RBFOX1: variants seen among roughly 807,000 people sequenced by gnomAD.
RBFOX1 encodes RNA binding protein fox-1 homolog 1.
Under a neutral mutation model 57.7 loss-of-function variants are expected in RBFOX1, and 8 were observed. That is an observed-to-expected ratio of 0.14 (90% CI 0.08 to 0.25). The LOEUF (loss-of-function observed/expected upper bound fraction) is 0.25. Ranked by LOEUF, RBFOX1 falls within the 10% of genes least tolerant of loss-of-function variation. RBFOX1 has a pLI of 1.00. For missense variants in RBFOX1, 611 were observed against 548.5 expected (o/e 1.11, Z -1.14); for synonymous variants, 326 against 222.4 (o/e 1.47, Z -4.15).
intron 4 of RBFOX1, among the ~76,000 whole-genome samples, chr16:7,168,690 T>C (rs1601702678): frequency 6.6e-6 from 1 of 152,170 alleles, no homozygotes; most frequent in East Asian, 1.9e-4. Flanking sequence ...CTTTCCTTCC[T>C]GTTACAAATT....
chr16:7,590,113 T>G (rs1022911488), intron 7 of RBFOX1, among the ~76,000 whole-genome samples: 1 of 151,818 alleles, frequency 6.6e-6, no homozygotes, highest in African/African-American at 2.4e-5. Context: ...AATAATAATT[T>G]AAAATTAGCT....
At chr16:7,180,968 T>G (rs922425158) in intron 4 of RBFOX1, among the ~76,000 whole-genome samples, 1 of 152,220 alleles carries the variant, frequency 6.6e-6, no homozygotes, top group African/African-American at 2.4e-5. Flanking sequence ...AGCTTTGCAG[T>G]TGTAGAGAAA....
chr16:7,564,998 A>G (rs1253976023), intron 5 of RBFOX1, among the ~76,000 whole-genome samples: 1 of 152,142 alleles, frequency 6.6e-6, no homozygotes, highest in East Asian at 1.9e-4. Context: ...ATGAGGCATT[A>G]ACTACATCCA....
At chr16:6,004,576 C>A (rs371910981) in intron 4 of RBFOX1, among the ~76,000 whole-genome samples, 2 of 152,182 alleles carry the variant, frequency 1.3e-5, no homozygotes, top group Admixed American at 6.5e-5. Flanking sequence ...ACACAGATTT[C>A]TGCAGCTTCT....
intron 3 of RBFOX1, among the ~76,000 whole-genome samples, chr16:6,723,553 G>GTCAT (rs1301497006): frequency 3.9e-5 from 6 of 152,182 alleles, no homozygotes; most frequent in Admixed American, 1.3e-4. Context: ...TCTAACACAA[G>GTCAT]TCATTGGTTT....
intron 4 of RBFOX1, among the ~76,000 whole-genome samples, chr16:7,391,027 G>T (rs1235776610): frequency 1.3e-5 from 2 of 152,104 alleles, no homozygotes; most frequent in Admixed American, 6.5e-5. Context: ...CTTTTTGGAG[G>T]CTCATTGGTA....
chr16:5,999,734 G>A (rs952034191), intron 4 of RBFOX1, among the ~76,000 whole-genome samples: 7 of 151,978 alleles, frequency 4.6e-5, no homozygotes, highest in African/African-American at 1.2e-4. Context: ...GGTGGCGGGC[G>A]CCTGTAGTCC....
chr16:6,510,385 G>C (rs780470240), intron 2 of RBFOX1, among the ~76,000 whole-genome samples: 87 of 152,088 alleles, frequency 5.7e-4, no homozygotes, highest in Admixed American at 3.9e-4. Context: ...CCAGTTTCCC[G>C]ATGCCGTTCT....
chr16:5,479,673 C>T (rs549694685), intron 2 of RBFOX1, among the ~76,000 whole-genome samples: 52 of 152,174 alleles, frequency 3.4e-4, no homozygotes, highest in Middle Eastern at 6.8e-3. Context: ...GCAGGAGAAT[C>T]GCTTGAACCC....
intron 4 of RBFOX1, among the ~76,000 whole-genome samples, chr16:7,397,820 C>G (rs1186576004): frequency 6.6e-6 from 1 of 151,978 alleles, no homozygotes; most frequent in Non-Finnish European, 1.5e-5. Context: ...AAGTCTTGTC[C>G]ACGTCCCAAG....
intron 3 of RBFOX1, among the ~76,000 whole-genome samples, chr16:5,726,180 A>C (rs1322275446): frequency 6.6e-6 from 1 of 151,486 alleles, no homozygotes; most frequent in Non-Finnish European, 1.5e-5. Context: ...AGTGCTGTAG[A>C]GGCCTTTGCG....
chr16:6,151,308 C>T (rs943891112), intron 1 of RBFOX1, among the ~76,000 whole-genome samples: 4 of 151,952 alleles, frequency 2.6e-5, no homozygotes, highest in South Asian at 2.1e-4. Flanking sequence ...TTTTTTGAGA[C>T]GGAGTCTCAC....
At chr16:6,124,798 G>A (rs1044182855) in intron 1 of RBFOX1, among the ~76,000 whole-genome samples, 1 of 152,052 alleles carries the variant, frequency 6.6e-6, no homozygotes, top group Non-Finnish European at 1.5e-5. Flanking sequence ...AAAATGGTAG[G>A]ATTACAGGCA....
At chr16:6,399,181 A>G (rs1434091002) in intron 2 of RBFOX1, among the ~76,000 whole-genome samples, 1 of 152,204 alleles carries the variant, frequency 6.6e-6, no homozygotes, top group Non-Finnish European at 1.5e-5. Flanking sequence ...GCAGGGGACC[A>G]TGTCCCGAGG....
chr16:5,771,445 G>T (rs761262262), intron 3 of RBFOX1, among the ~76,000 whole-genome samples: 4 of 152,162 alleles, frequency 2.6e-5, no homozygotes, highest in Non-Finnish European at 5.9e-5. Context: ...GTCTCCCTCC[G>T]TAGTCCAGGC....
intron 2 of RBFOX1, among the ~76,000 whole-genome samples, chr16:6,346,656 C>G (rs1470529683): frequency 6.6e-6 from 1 of 152,180 alleles, no homozygotes; most frequent in Admixed American, 6.5e-5. Context: ...CAATTAAACT[C>G]TGTTAGATTT....
At chr16:6,735,658 A>G (rs12935093) in intron 3 of RBFOX1, among the ~76,000 whole-genome samples, 57,196 of 152,076 alleles carry the variant, frequency 0.38, 11,586 homozygotes, top group South Asian at 0.51. Context: ...TGTTTGGGTA[A>G]CAATGCTGAG....
At chr16:6,928,044 C>T (rs1289186772) in intron 3 of RBFOX1, among the ~76,000 whole-genome samples, 1 of 152,092 alleles carries the variant, frequency 6.6e-6, no homozygotes, top group Non-Finnish European at 1.5e-5. Context: ...TTTATAATTT[C>T]CCCAACTTGG....
intron 2 of RBFOX1, among the ~76,000 whole-genome samples, chr16:6,372,563 G>A (rs775493911): frequency 6.6e-6 from 1 of 151,896 alleles, no homozygotes; most frequent in South Asian, 2.1e-4. Context: ...TGGGTGGAAT[G>A]GAGATTGGGT....
Sources: allele counts gnomAD v4.1 joint callset (sites outside exome capture counted in the v4.1 genomes callset), GRCh38; gene constraint gnomAD v4.1.1; transcripts MANE v1.5; gene names NCBI Gene and HGNC (gene_info 2026-07-23, HGNC 2026-07-21).